OR3A2: variants seen among roughly 807,000 people sequenced by gnomAD.
OR3A2 encodes olfactory receptor 3A2.
For synonymous variants in OR3A2, 126 were observed against 159.3 expected, an observed-to-expected ratio of 0.79 and a Z score of 1.57; for missense variants, 318 against 392.8, an observed-to-expected ratio of 0.81 and a Z score of 1.61.
rs557505836 is a variant in OR3A2 at position 3,297,139 on chromosome 17, C to T, written c.-84-17986G>A. On this transcript the variant is annotated intron_variant, in intron 3 of 4. Transcript: ENST00000573491. ...CAAAGCTAGAATCCCAAATTAGGTC[C>T]CCATAAGGTGGTGGCTGTCGGATTT... 2.1e-4 allele frequency among the ~76,000 whole-genome samples: 32 copies of T among 152,236 alleles called. 1 individual carries two copies. Among genetic ancestry groups the T allele is most frequent in the African/African-American group, 7.0e-4 (29 of 41,548 alleles).
chr17:3,321,382 G>T (rs569059967), intron 3 of OR3A2, among the ~76,000 whole-genome samples: 2 of 152,040 alleles, frequency 1.3e-5, no homozygotes, highest in African/African-American at 2.4e-5. Flanking sequence ...TCTTTCTCCT[G>T]CCTGATTGCC....
At chr17:3,330,683 C>G (rs913577901) in intron 3 of OR3A2, among the ~76,000 whole-genome samples, 1 of 152,030 alleles carries the variant, frequency 6.6e-6, no homozygotes, top group African/African-American at 2.4e-5. Context: ...CAGTCTGTGT[C>G]TTTTAATTGG....
At chr17:3,355,460 CTT>C (rs1459312356) in intron 2 of OR3A2, among the ~76,000 whole-genome samples, 3 of 95,456 alleles carry the variant, frequency 3.1e-5, no homozygotes, top group African/African-American at 1.6e-4. Flanking sequence ...CTCTCTCTCT[CTT>C]TAGCTCTAAT....
chr17:3,279,207 G>C, intron 1 of OR3A2, 54 bp from the exon 4 acceptor site: 1 of 514,502 alleles, frequency 1.9e-6, no homozygotes, highest in Non-Finnish European at 3.4e-6. Flanking sequence ...CAGGATTTTT[G>C]CTGAGTAGAT....
intron 3 of OR3A2, among the ~76,000 whole-genome samples, chr17:3,302,281 G>T (rs913728849): frequency 2.0e-5 from 3 of 152,126 alleles, no homozygotes; most frequent in Non-Finnish European, 4.4e-5. Flanking sequence ...AGCGCACATT[G>T]CCAAGACATT....
intron 3 of OR3A2, among the ~76,000 whole-genome samples, chr17:3,303,977 A>G (rs2048984363): frequency 1.2e-5 from 1 of 84,792 alleles, no homozygotes; most frequent in Non-Finnish European, 2.0e-5. Flanking sequence ...ATATATATAT[A>G]CTAATTATTA....
intron 3 of OR3A2, chr17:3,310,267 G>A (rs2049029895): frequency 2.0e-6 from 1 of 497,412 alleles, no homozygotes; most frequent in South Asian, 1.5e-5. Flanking sequence ...GCCACCACCG[G>A]CCCCATCTAA....
rs552591029 is a variant in OR3A2, at chr17:3,280,750, A to G, written c.-6-1827T>C. Among the ~76,000 whole-genome samples, 5 of 152,362 alleles carry G rather than the reference A, an allele frequency of 3.3e-5. No homozygotes were observed. In the South Asian group the frequency reaches 8.3e-4, roughly 25 times the overall value. ...CAGTGATGATTGCCTGAGCTGGGGC[A>G]GTGAAATGCAGAGGCAGGAATGATT... On this transcript the variant is annotated intron_variant, in intron 1 of 1. Transcript: ENST00000642052.
rs137910957 is a variant in OR3A2, at chr17:3,373,239, C to A, written c.-179+10565G>T. ...CATGTGGTCGATCTTGGAGAATGTT[C>A]TATGTGCTGATGAAAAGAATGTATA... On this transcript the variant is annotated intron_variant, in intron 2 of 4. Coordinates refer to the OR3A2 transcript ENST00000573491. Among the ~76,000 whole-genome samples, 18 of 152,256 alleles carry A rather than the reference C, an allele frequency of 1.2e-4. No homozygotes were observed. In the East Asian group the frequency reaches 2.9e-3, roughly 24 times the overall value.
chr17:3,372,073 A>G (rs185675656), intron 2 of OR3A2, among the ~76,000 whole-genome samples: 17,982 of 120,646 alleles, frequency 0.15, 1,613 homozygotes, highest in East Asian at 0.39. Flanking sequence ...CAGACGGGGC[A>G]GTTGCCAGGC....
chr17:3,333,076 G>A (rs1355812502), intron 3 of OR3A2, among the ~76,000 whole-genome samples: 4 of 152,134 alleles, frequency 2.6e-5, no homozygotes, highest in South Asian at 4.1e-4. Context: ...CGTGCAAGTA[G>A]GAGAGATATT....
chr17:3,307,074 A>C (rs9303170), intron 3 of OR3A2, among the ~76,000 whole-genome samples: 25,265 of 152,214 alleles, frequency 0.17, 2,988 homozygotes, highest in African/African-American at 0.33. Context: ...CATTAGGGTC[A>C]ACAACTTAGT....
At chr17:3,364,260 AAT>A (rs1185157413) in intron 2 of OR3A2, among the ~76,000 whole-genome samples, 8 of 152,234 alleles carry the variant, frequency 5.3e-5, no homozygotes, top group African/African-American at 1.9e-4. Flanking sequence ...TATGGGGTAT[AAT>A]ATGTTTTGAT....
chr17:3,382,361 C>G (rs1475224809), intron 2 of OR3A2, among the ~76,000 whole-genome samples: 1 of 152,178 alleles, frequency 6.6e-6, no homozygotes, highest in African/African-American at 2.4e-5. Context: ...GCCCTTATAG[C>G]TGTGGCGTTC....
At chr17:3,278,421 A>G (rs1269242942) in exon 2 of OR3A2, 5 of 1,614,230 alleles carry the variant, frequency 3.1e-6, no homozygotes, top group Non-Finnish European at 4.2e-6. Flanking sequence ...GAGCGTGGAC[A>G]TGGCCACAGT....
chr17:3,309,918 A>C, intron 3 of OR3A2: 1 of 188,404 alleles, frequency 5.3e-6, no homozygotes, highest in Non-Finnish European at 1.1e-5. Flanking sequence ...CTTCCCTTTC[A>C]TCCTCTGGGA....
At chr17:3,316,550 T>C (rs559689769) in intron 3 of OR3A2, among the ~76,000 whole-genome samples, 1 of 152,222 alleles carries the variant, frequency 6.6e-6, no homozygotes, top group Non-Finnish European at 1.5e-5. Flanking sequence ...TATTAGCACA[T>C]AGCAATATTT....
intron 3 of OR3A2, among the ~76,000 whole-genome samples, chr17:3,334,117 G>C (rs892120188): frequency 5.3e-5 from 8 of 152,282 alleles, no homozygotes; most frequent in African/African-American, 1.9e-4. Flanking sequence ...AGATGCTGGC[G>C]AGGTTGCAGA....
downstream of OR3A2, among the ~76,000 whole-genome samples, chr17:3,276,491 T>G (rs1364223255): frequency 6.6e-6 from 1 of 152,200 alleles, no homozygotes; most frequent in Admixed American, 6.5e-5. Flanking sequence ...CAAAATAATA[T>G]CGTCTGAATG....
Sources: allele counts gnomAD v4.1 joint callset (sites outside exome capture counted in the v4.1 genomes callset), GRCh38; gene constraint gnomAD v4.1.1; transcripts MANE v1.5; gene names NCBI Gene and HGNC (gene_info 2026-07-23, HGNC 2026-07-21).